Variants in DAB1 observed in about 807,000 individuals in gnomAD.
DAB1 encodes disabled homolog 1.
Under a neutral mutation model 64.6 loss-of-function variants are expected in DAB1, and 15 were observed. The observed-to-expected ratio is 0.23, with a 90% CI of 0.16 to 0.36. The LOEUF is 0.36. DAB1 is among the 10% of genes least tolerant of loss of function. DAB1 has a pLI of 1.00. For synonymous variants in DAB1, 235 were observed against 251.9 expected, an observed-to-expected ratio of 0.93 and a Z score of 0.64; for missense variants, 596 against 706.7, an observed-to-expected ratio of 0.84 and a Z score of 1.78.
chr1:57,420,227 A>G (rs1684795565), intron 1 of DAB1, among the ~76,000 whole-genome samples: 1 of 152,120 alleles, frequency 6.6e-6, no homozygotes, highest in Non-Finnish European at 1.5e-5. Flanking sequence ...TCTCCATTAA[A>G]TTTTACACCC....
intron 4 of DAB1, among the ~76,000 whole-genome samples, chr1:58,312,926 A>G (rs1170818963): frequency 6.6e-6 from 1 of 152,194 alleles, no homozygotes; most frequent in African/African-American, 2.4e-5. Flanking sequence ...AAAGTTAAAA[A>G]AAAGAGTTCA....
chr1:57,371,120 A>G (rs1203238288), intron 1 of DAB1, among the ~76,000 whole-genome samples: 1 of 152,176 alleles, frequency 6.6e-6, no homozygotes, highest in African/African-American at 2.4e-5. Flanking sequence ...AAAACGATCC[A>G]TTTCCTGCTG....
chr1:58,117,132 G>T (rs971560549), intron 5 of DAB1, among the ~76,000 whole-genome samples: 1 of 152,120 alleles, frequency 6.6e-6, no homozygotes, highest in Admixed American at 6.6e-5. Flanking sequence ...AAAATGATGA[G>T]TATCATTTAC....
intron 4 of DAB1, among the ~76,000 whole-genome samples, chr1:58,290,073 C>T (rs954557351): frequency 5.9e-5 from 9 of 152,100 alleles, no homozygotes; most frequent in Non-Finnish European, 1.2e-4. Context: ...ACTGACTTGG[C>T]GACATGTATT....
intron 4 of DAB1, among the ~76,000 whole-genome samples, chr1:57,116,322 C>G (rs1440789979): frequency 6.6e-6 from 1 of 151,634 alleles, no homozygotes; most frequent in Non-Finnish European, 1.5e-5. Flanking sequence ...ATTAGCCGGG[C>G]CCAGTGGCAC....
intron 7 of DAB1, among the ~76,000 whole-genome samples, chr1:57,495,692 T>C (rs1331105983): frequency 6.6e-6 from 1 of 152,132 alleles, no homozygotes; most frequent in Non-Finnish European, 1.5e-5. Flanking sequence ...TGGTATAGGG[T>C]TCAAGGAGAG....
At chr1:57,837,202 C>A (rs999866688) in intron 1 of DAB1, among the ~76,000 whole-genome samples, 1 of 152,214 alleles carries the variant, frequency 6.6e-6, no homozygotes, top group African/African-American at 2.4e-5. Flanking sequence ...CCAGAATGAT[C>A]TTTTTAAAAA....
At chr1:58,003,942 A>C (rs2100411297) in intron 5 of DAB1, among the ~76,000 whole-genome samples, 1 of 152,284 alleles carries the variant, frequency 6.6e-6, no homozygotes, top group South Asian at 2.1e-4. Flanking sequence ...CAGGACGGGA[A>C]GTGGGGGTCA....
chr1:58,369,063 A>C (rs999425712), intron 3 of DAB1, among the ~76,000 whole-genome samples: 1 of 152,170 alleles, frequency 6.6e-6, no homozygotes, highest in African/African-American at 2.4e-5. Flanking sequence ...GTGCATAAAT[A>C]ACCTAGCTCC....
chr1:58,177,339 T>C (rs1656540746), intron 4 of DAB1, among the ~76,000 whole-genome samples: 1 of 152,216 alleles, frequency 6.6e-6, no homozygotes, highest in Non-Finnish European at 1.5e-5. Flanking sequence ...GAAACTCTCA[T>C]ATATTTGTTA....
At chr1:58,503,870 A>T (rs992316391) in intron 3 of DAB1, among the ~76,000 whole-genome samples, 3 of 152,240 alleles carry the variant, frequency 2.0e-5, no homozygotes, top group Admixed American at 2.0e-4. Context: ...TTAAGAAGCC[A>T]TGCTTGGCTG....
chr1:58,204,904 C>G (rs6587803), intron 4 of DAB1, among the ~76,000 whole-genome samples: 113,261 of 152,024 alleles, frequency 0.75, 43,623 homozygotes, highest in South Asian at 0.87. Context: ...TATGAACCAT[C>G]AAAATCTAAG....
chr1:57,198,678 CA>C (rs1664843842), intron 2 of DAB1, among the ~76,000 whole-genome samples: 2 of 151,748 alleles, frequency 1.3e-5, no homozygotes, highest in African/African-American at 4.8e-5. Context: ...CACACACACA[CA>C]CACACACACA....
Position 58,241,730 on chromosome 1 carries a change from C to T in DAB1, n.310-91142G>A, listed in dbSNP as rs1660307631. On this transcript the variant is annotated intron_variant and non_coding_transcript_variant, in intron 4 of 20. Transcript: ENST00000485760. ...CGACAAATGTGAAAAGATGCTCCTT[C>T]TTGGCAGACATCAGGAAAACACAAA... Among the ~76,000 whole-genome samples the T allele has an allele frequency of 3.3e-5, 5 of 152,146 alleles. No homozygotes were observed. In the South Asian group the frequency reaches 8.3e-4, roughly 25 times the overall value.
At chr1:57,553,410 G>GAAAAAGAAAGAAAGAA (rs879761183) in intron 7 of DAB1, among the ~76,000 whole-genome samples, 2 of 85,698 alleles carry the variant, frequency 2.3e-5, no homozygotes, top group East Asian at 3.6e-4. Flanking sequence ...AAGAAAGAAA[G>GAAAAAGAAAGAAAGAA]AAAGAAAGAA....
intron 7 of DAB1, among the ~76,000 whole-genome samples, chr1:57,432,638 G>C (rs921517731): frequency 6.6e-6 from 1 of 152,128 alleles, no homozygotes; most frequent in African/African-American, 2.4e-5. Context: ...AAAGGATTTT[G>C]GTTTAGCCAT....
At chr1:58,059,530 T>A (rs528189418) in intron 5 of DAB1, among the ~76,000 whole-genome samples, 31 of 152,230 alleles carry the variant, frequency 2.0e-4, no homozygotes, top group Admixed American at 1.2e-3. Flanking sequence ...AATCTGGTTA[T>A]CTCTTTTTAT....
At chr1:57,230,141 G>A (rs1186662992) in intron 2 of DAB1, among the ~76,000 whole-genome samples, 2 of 152,230 alleles carry the variant, frequency 1.3e-5, no homozygotes, top group Non-Finnish European at 2.9e-5. Flanking sequence ...GATTTCTCTA[G>A]CAAGTTAAAA....
At chr1:58,281,261 G>A (rs1227357389) in intron 4 of DAB1, among the ~76,000 whole-genome samples, 2 of 152,150 alleles carry the variant, frequency 1.3e-5, no homozygotes, top group African/African-American at 2.4e-5. Context: ...TGATTTTCCT[G>A]TGGGGAGCCC....
Sources: allele counts gnomAD v4.1 joint callset (sites outside exome capture counted in the v4.1 genomes callset), GRCh38; gene constraint gnomAD v4.1.1; transcripts MANE v1.5; gene names NCBI Gene and HGNC (gene_info 2026-07-23, HGNC 2026-07-21).